The following FER variants were observed in gnomAD, a reference collection of about 807,000 sequenced individuals.
The protein encoded by FER is tyrosine-protein kinase Fer.
FER carries 63 observed loss-of-function variants against 111.0 expected under a neutral mutation model. The observed-to-expected ratio is 0.57, with a 90% confidence interval of 0.46 to 0.70. FER has a LOEUF of 0.70. Ranked by LOEUF, FER falls within the 30% of genes least tolerant of loss-of-function variation. The pLI, the probability that FER is intolerant of heterozygous loss-of-function variation, is 0.00. For synonymous variants in FER, 327 were observed against 313.9 expected (o/e 1.04, Z -0.44); for missense variants, 914 against 954.0 (o/e 0.96, Z 0.55).
chr5:108,960,991 G>A (rs888884571), intron 13 of FER, among the ~76,000 whole-genome samples: 3 of 152,208 alleles, frequency 2.0e-5, no homozygotes, highest in Non-Finnish European at 4.4e-5. Flanking sequence ...GGGGGGCTGA[G>A]ATGGGAGGAT....
chr5:109,158,771 T>C (rs9326764), intron 17 of FER, among the ~76,000 whole-genome samples: 57,423 of 151,930 alleles, frequency 0.38, 11,100 homozygotes, highest in Non-Finnish European at 0.4. Context: ...CTCACTTTCT[T>C]ATCTCCACCT....
At position 108,926,431 on chromosome 5, in the gene FER, A is replaced by G. The variant is rs546322501; in HGVS notation, c.1237-19699A>G. On this transcript the variant is annotated intron_variant, in intron 10 of 19. Coordinates refer to ENST00000281092, the MANE Select transcript of FER (RefSeq NM_005246.4). ...TTTCTCATTTATGTAAATTCTGTTC[A>G]GAGTAAATAGAATAAGAATTTTTGC... Among the ~76,000 whole-genome samples the G allele has an allele frequency of 2.6e-4, 40 of 152,236 alleles. 1 individual carries two copies. In the East Asian group the frequency reaches 7.7e-3, roughly 29 times the overall value.
At chr5:109,111,870 A>G (rs1370560200) in intron 17 of FER, among the ~76,000 whole-genome samples, 1 of 152,106 alleles carries the variant, frequency 6.6e-6, no homozygotes, top group Non-Finnish European at 1.5e-5. Flanking sequence ...TCAACATGAG[A>G]TTAGGGTGGG....
intron 1 of FER, among the ~76,000 whole-genome samples, chr5:108,756,677 A>G (rs1312657956): frequency 6.6e-6 from 1 of 152,154 alleles, no homozygotes; most frequent in African/African-American, 2.4e-5. Flanking sequence ...TCAATTATTT[A>G]CAAGCATTTA....
chr5:109,052,915 A>G (rs1367965156), intron 16 of FER, among the ~76,000 whole-genome samples: 1 of 152,226 alleles, frequency 6.6e-6, no homozygotes, highest in Non-Finnish European at 1.5e-5. Context: ...ATTCAGTTAC[A>G]TTAAGTTCAT....
intron 14 of FER, among the ~76,000 whole-genome samples, chr5:109,043,981 GA>G (rs1313294141): frequency 2.6e-5 from 4 of 151,060 alleles, no homozygotes; most frequent in Admixed American, 6.6e-5. Flanking sequence ...GAAAAAAAAA[GA>G]AAAAAAAGTT....
intron 3 of FER, among the ~76,000 whole-genome samples, chr5:108,803,821 CTT>C (rs1301664685): frequency 6.6e-6 from 1 of 151,970 alleles, no homozygotes; most frequent in Non-Finnish European, 1.5e-5. Flanking sequence ...ATTTGGGCGA[CTT>C]TTTGGTTGCA....
At chr5:109,169,354 T>G (rs1756874636) in intron 17 of FER, among the ~76,000 whole-genome samples, 1 of 152,130 alleles carries the variant, frequency 6.6e-6, no homozygotes, top group South Asian at 2.1e-4. Flanking sequence ...CAGATCTTTG[T>G]TTCAAGATAA....
intron 10 of FER, among the ~76,000 whole-genome samples, chr5:108,928,599 G>A (rs917466061): frequency 2.8e-4 from 43 of 151,942 alleles, no homozygotes; most frequent in Admixed American, 2.6e-3. Flanking sequence ...TTTAGTTTTA[G>A]GTACTGCTTT....
At chr5:108,883,330 C>G (rs1232446105) in intron 8 of FER, 66 bp from the exon 9 acceptor site, 2 of 1,434,112 alleles carry the variant, frequency 1.4e-6, no homozygotes, top group Non-Finnish European at 9.3e-7. Context: ...TGTATGAATA[C>G]TTTTTTGATA....
rs74902868 is a variant in FER at position 109,157,495 on chromosome 5, C to A, written c.2049-23252C>A. Among the ~76,000 whole-genome samples the A allele has an allele frequency of 4.0e-3, 609 of 151,530 alleles. 16 individuals carry two copies. Among genetic ancestry groups the A allele is most frequent in the Admixed American group, 0.033 (500 of 15,206 alleles). Reference sequence around the variant, plus strand: ...ACATTGCTGTTGCTAGTGTTTTATTCGATCACTGGCGATGAGTTCTGTTTT... The same window carrying A: ...ACATTGCTGTTGCTAGTGTTTTATTAGATCACTGGCGATGAGTTCTGTTTT... On this transcript the variant is annotated intron_variant, in intron 17 of 19. Transcript: ENST00000281092.
At chr5:109,029,709 G>A (rs948584921) in intron 13 of FER, among the ~76,000 whole-genome samples, 4 of 152,028 alleles carry the variant, frequency 2.6e-5, no homozygotes, top group Admixed American at 2.0e-4. Flanking sequence ...CTGTGAATTG[G>A]TATACCCTGT....
At chr5:108,835,915 A>G (rs1760610529) in intron 5 of FER, 108 bp downstream of exon 5, 6 of 572,894 alleles carry the variant, frequency 1.0e-5, no homozygotes, top group Non-Finnish European at 1.5e-5. Flanking sequence ...TTTCACATAT[A>G]AAAAACTCAA....
chr5:109,028,988 C>T (rs922577425), intron 13 of FER, among the ~76,000 whole-genome samples: 1 of 152,140 alleles, frequency 6.6e-6, no homozygotes, highest in Non-Finnish European at 1.5e-5. Context: ...ATGCTAACAA[C>T]CTAGTTCTTC....
rs550294109 is a variant in FER, at chr5:109,095,978, G to A, written c.1925-4418G>A. 2.6e-5 allele frequency among the ~76,000 whole-genome samples: 4 copies of A among 152,164 alleles called. No homozygotes were observed. In the East Asian group the frequency reaches 7.7e-4, roughly 29 times the overall value. On this transcript the variant is annotated intron_variant, in intron 16 of 19. Transcript: ENST00000281092. ...TGAATAAACTCTGAAGTTTGTTGAA[G>A]ATAAATTAAGATCCCTATGATTCAA... is the stretch of plus-strand genomic sequence containing the variant.
At chr5:108,773,624 T>C (rs1753164871) in intron 2 of FER, among the ~76,000 whole-genome samples, 1 of 152,150 alleles carries the variant, frequency 6.6e-6, no homozygotes, top group African/African-American at 2.4e-5. Context: ...ATTCCGTGTC[T>C]TTGCTGTTGT....
At position 109,191,861 on chromosome 5, in the gene FER, A is replaced by G. The variant is rs1189949091; in HGVS notation, c.*4286A>G. 2 of 152,156 alleles carry G rather than the reference A, an allele frequency of 1.3e-5. No homozygotes were observed. Among genetic ancestry groups the G allele is most frequent in the African/African-American group, 2.4e-5 (1 of 41,464 alleles). The allele number at this position is 152,156 out of a possible 1,614,324, so 9.4% of individuals were successfully genotyped here. A position where few individuals can be genotyped will look rare whatever the true frequency, so the allele number is the denominator to read the frequency against. On this transcript the variant is annotated 3_prime_UTR_variant, in exon 20 of 20. Transcript: ENST00000281092. Reference sequence around the variant, plus strand: ...TACTGATTTTAAAAGTCAGGATTTCATGTACCAAGAATGACCTACTTGAAG... The same window carrying G: ...TACTGATTTTAAAAGTCAGGATTTCGTGTACCAAGAATGACCTACTTGAAG...
At chr5:108,880,460 T>G (rs748562334) in intron 8 of FER, among the ~76,000 whole-genome samples, 1 of 152,166 alleles carries the variant, frequency 6.6e-6, no homozygotes, top group Non-Finnish European at 1.5e-5. Context: ...AATGAGATTA[T>G]ATATAAGGCA....
intron 13 of FER, among the ~76,000 whole-genome samples, chr5:108,987,279 C>A (rs944503440): frequency 2.0e-5 from 3 of 152,066 alleles, no homozygotes; most frequent in Non-Finnish European, 2.9e-5. Flanking sequence ...AACCCCATCT[C>A]TACTAAAAAT....
Sources: gnomAD v4.1 joint callset for allele counts (sites outside exome capture counted in the v4.1 genomes callset) on GRCh38, gnomAD v4.1.1 for gene constraint, MANE v1.5 for transcripts, NCBI Gene and HGNC (gene_info 2026-07-23, HGNC 2026-07-21) for gene names.